Variants in GC observed in about 807,000 individuals in gnomAD.
GC encodes vitamin D-binding protein.
Under a neutral mutation model 56.7 loss-of-function variants are expected in GC, and 43 were observed. The ratio of observed to expected loss-of-function variants is 0.76; its 90% CI spans 0.59 to 0.98. The LOEUF (loss-of-function observed/expected upper bound fraction) is 0.98, where lower values mean the gene tolerates loss of function less well. Among genes scored for constraint, GC ranks in the 50% least tolerant of loss-of-function variants. The pLI is 0.00. For missense variants in GC, 529 were observed against 545.9 expected (o/e 0.97, Z 0.31); for synonymous variants, 216 against 202.7 (o/e 1.07, Z -0.56).
intron 8 of GC, among the ~76,000 whole-genome samples, chr4:71,755,678 T>C (rs115103883): frequency 0.016 from 2,476 of 152,318 alleles, 29 homozygotes; most frequent in South Asian, 0.032. Context: ...ATATATTATA[T>C]GTAAACATAT....
chr4:71,784,233 A>G (rs929285263), upstream of GC: 17 of 1,250,030 alleles, frequency 1.4e-5, no homozygotes, highest in East Asian at 6.6e-5. Flanking sequence ...AATCAAGGTA[A>G]ATAGACACCC....
intron 11 of GC, among the ~76,000 whole-genome samples, chr4:71,747,883 G>C (rs1741426603): frequency 6.6e-6 from 1 of 152,138 alleles, no homozygotes; most frequent in Non-Finnish European, 1.5e-5. Flanking sequence ...CCAAGGAAGT[G>C]AGATGGATAA....
At chr4:71,804,357 C>T (rs1229221249), upstream of GC, among the ~76,000 whole-genome samples, 1 of 152,152 alleles carries the variant, frequency 6.6e-6, no homozygotes, top group Non-Finnish European at 1.5e-5. Context: ...TTATTTTTCC[C>T]CCTTTTGGGG....
chr4:71,797,753 A>G (rs1743143766), intron 1 of GC, among the ~76,000 whole-genome samples: 1 of 152,208 alleles, frequency 6.6e-6, no homozygotes, highest in Non-Finnish European at 1.5e-5. Context: ...CTTCTGCGTC[A>G]ATCACACTGG....
At chr4:71,761,922 G>A (rs1246273919) in intron 6 of GC, among the ~76,000 whole-genome samples, 4 of 152,218 alleles carry the variant, frequency 2.6e-5, no homozygotes, top group Non-Finnish European at 2.9e-5. Context: ...GGCTCTCATG[G>A]AGAACCTCTG....
intron 6 of GC, among the ~76,000 whole-genome samples, chr4:71,762,884 T>C (rs1477119745): frequency 6.6e-6 from 1 of 152,176 alleles, no homozygotes; most frequent in Non-Finnish European, 1.5e-5. Context: ...AATTCCCCAG[T>C]TTCGGGTATG....
At chr4:71,750,317 C>G (rs1578281467) in intron 11 of GC, among the ~76,000 whole-genome samples, 1 of 152,052 alleles carries the variant, frequency 6.6e-6, no homozygotes, top group Non-Finnish European at 1.5e-5. Flanking sequence ...ATGAAATAGG[C>G]CATTTCCATT....
At chr4:71,763,662 A>G in intron 5 of GC, 142 bp downstream of exon 5, 1 of 789,050 alleles carries the variant, frequency 1.3e-6, no homozygotes, top group South Asian at 1.8e-5. Flanking sequence ...GAGGTATTAC[A>G]TTTATTTTCC....
chr4:71,777,377 G>A (rs1415697170), intron 1 of GC, among the ~76,000 whole-genome samples: 1 of 151,488 alleles, frequency 6.6e-6, no homozygotes, highest in African/African-American at 2.4e-5. Context: ...AGGCTAAAGA[G>A]AGCCTTTTAA....
chr4:71,746,332 G>A (rs996557382), intron 11 of GC, 127 bp from the exon 12 acceptor site: 2 of 545,564 alleles, frequency 3.7e-6, no homozygotes, highest in African/African-American at 2.0e-5. Flanking sequence ...AAGATGCAAT[G>A]TTACATTGCA....
At position 71,756,891 on chromosome 4, in the gene GC, G is replaced by A. The variant is rs1741794417; in HGVS notation, c.855C>T (p.Leu285=). 1 of 1,611,458 alleles carries A rather than the reference G, an allele frequency of 6.2e-7. No individual in the cohort carries two copies. The highest frequency in any genetic ancestry group is 1.3e-5 in the African/African-American group (1 of 74,878). ...AKELPEHTVK[L]CDNLSTKNSK... ...AATTCTTTGTGGATAAATTGTCACA[G>A]AGTTTTACTGTGTGTTCAGGCAGCT... Residue 285 remains leucine (L), a synonymous_variant, in exon 8 of 13, where the codon CTC becomes CTT. Coordinates refer to ENST00000273951, the MANE Select transcript of GC (RefSeq NM_000583.4).
At chr4:71,799,766 A>G (rs1365239099) in intron 1 of GC, among the ~76,000 whole-genome samples, 6 of 152,210 alleles carry the variant, frequency 3.9e-5, no homozygotes, top group Non-Finnish European at 8.8e-5. Context: ...ATTTACAACA[A>G]AAAAGCAGTG....
intron 12 of GC, 42 bp downstream of exon 12, chr4:71,746,109 A>C: frequency 1.3e-6 from 1 of 771,626 alleles, no homozygotes; most frequent in Non-Finnish European, 2.3e-6. Context: ...TACATCCTAC[A>C]ATGCTGGATC....
chr4:71,780,450 T>C (rs1032324229), intron 1 of GC, among the ~76,000 whole-genome samples: 6 of 152,018 alleles, frequency 3.9e-5, no homozygotes, highest in African/African-American at 1.4e-4. Flanking sequence ...AACAGCAACC[T>C]ACAGAATGGG....
chr4:71,795,545 T>C (rs1418773124), intron 1 of GC, among the ~76,000 whole-genome samples: 4 of 152,250 alleles, frequency 2.6e-5, no homozygotes, highest in Non-Finnish European at 5.9e-5. Context: ...TGAGCCAATG[T>C]GTGTCTCTGC....
chr4:71,784,445 A>G (rs957386128), upstream of GC: 2 of 288,026 alleles, frequency 6.9e-6, no homozygotes, highest in African/African-American at 2.3e-5. Flanking sequence ...TAAGTGGAAA[A>G]TCGGAAACTC....
Position 71,744,297 on chromosome 4 carries a change from A to C in GC, c.*25+1854T>G, listed in dbSNP as rs547456637. On this transcript the variant is annotated intron_variant, in intron 12 of 12. Coordinates refer to ENST00000273951, the MANE Select transcript of GC (RefSeq NM_000583.4). ...CTCTACTAAAAATACAAAAAAAAAA[A>C]AAAAAACCCAAATTAGCTGGGCGTG... Among the ~76,000 whole-genome samples, 62 of 150,754 alleles carry C rather than the reference A, an allele frequency of 4.1e-4. 1 individual carries two copies. Among genetic ancestry groups the C allele is most frequent in the Admixed American group, 3.1e-3 (47 of 15,132 alleles).
rs1433282564 is a variant in GC at position 71,756,720 on chromosome 4, G to T, written c.1026C>A (p.Val342=). Reference sequence around the variant, plus strand: ...ACATCACCTCTACTTACTTATCCATGACTTTGGTGTTTCCTGGATCACACA... The same window carrying T: ...ACATCACCTCTACTTACTTATCCATTACTTTGGTGTTTCCTGGATCACACA... The part of the protein sequence containing the change: ...KDVCDPGNTK[V]MDKYTFELSR... Residue 342 remains valine (V), a synonymous_variant, in exon 8 of 13, where the codon GTC becomes GTA. Coordinates refer to ENST00000273951, the MANE Select transcript of GC (RefSeq NM_000583.4). The T allele has an allele frequency of 1.9e-6, 3 of 1,609,656 alleles. No homozygotes were observed. Among genetic ancestry groups the T allele is most frequent in the South Asian group, 2.2e-5 (2 of 90,996 alleles).
intron 12 of GC, among the ~76,000 whole-genome samples, chr4:71,742,098 T>C (rs2149290720): frequency 6.6e-6 from 1 of 152,318 alleles, no homozygotes; most frequent in African/African-American, 2.4e-5. Flanking sequence ...TTATATGCCA[T>C]ACACCAGGGT....
Sources: allele counts gnomAD v4.1 joint callset (sites outside exome capture counted in the v4.1 genomes callset), GRCh38; gene constraint gnomAD v4.1.1; transcripts MANE v1.5; gene names NCBI Gene and HGNC (gene_info 2026-07-23, HGNC 2026-07-21).